Variants in GAS2 observed in about 807,000 individuals in gnomAD.
GAS2 encodes growth arrest-specific protein 2.
In GAS2, 20 loss-of-function variants were observed where a neutral mutation model predicts 37.5. The observed-to-expected ratio is 0.53, with a 90% CI of 0.37 to 0.77. The LOEUF (loss-of-function observed/expected upper bound fraction) is 0.77. Among genes scored for constraint, GAS2 ranks in the 30% least tolerant of loss-of-function variants. The probability of loss-of-function intolerance (pLI) is 0.00; values close to 1 mark genes in which losing one functional copy is unlikely to be tolerated. For missense variants in GAS2, 336 were observed against 373.4 expected (o/e 0.90, Z 0.82); for synonymous variants, 144 against 132.2 (o/e 1.09, Z -0.61).
intron 1 of GAS2, among the ~76,000 whole-genome samples, chr11:22,635,387 G>A (rs1158766985): frequency 6.6e-6 from 1 of 152,212 alleles, no homozygotes; most frequent in Admixed American, 6.5e-5. Context: ...ATGGTGAGCA[G>A]GGGTAGTACA....
chr11:22,754,216 G>A lies in GAS2; in HGVS notation c.616-1630G>A, dbSNP rs140152750. Among the ~76,000 whole-genome samples, 44 of 152,054 alleles carry A rather than the reference G, an allele frequency of 2.9e-4. No homozygotes were observed. The East Asian group carries it at 7.0e-3, about 24-fold the overall frequency. Reference sequence around the variant, plus strand: ...TTCCTCTAATTTCCCCCTGTGACCTGTATAGATTCATGTTCTTATATATCT... The same window carrying A: ...TTCCTCTAATTTCCCCCTGTGACCTATATAGATTCATGTTCTTATATATCT... On this transcript the variant is annotated intron_variant, in intron 6 of 7. Coordinates refer to ENST00000454584, the MANE Select transcript of GAS2 (RefSeq NM_001143830.3).
chr11:22,801,405 A>G (rs1278232748), intron 7 of GAS2, among the ~76,000 whole-genome samples: 1 of 151,724 alleles, frequency 6.6e-6, no homozygotes, highest in East Asian at 1.9e-4. Context: ...TGGATTAAGT[A>G]TCTGGATGAG....
intron 3 of GAS2, among the ~76,000 whole-genome samples, chr11:22,717,175 GA>G (rs1354863201): frequency 6.6e-6 from 1 of 151,934 alleles, no homozygotes; most frequent in East Asian, 1.9e-4. Context: ...GACCAAAAAA[GA>G]GCCTACATAG....
At chr11:22,759,189 G>A (rs574598339) in intron 7 of GAS2, among the ~76,000 whole-genome samples, 8 of 152,200 alleles carry the variant, frequency 5.3e-5, no homozygotes, top group African/African-American at 1.9e-4. Flanking sequence ...AGGAAGACCG[G>A]GAAGATATTT....
chr11:22,668,969 C>T (rs1849096041), intron 1 of GAS2, among the ~76,000 whole-genome samples: 1 of 152,088 alleles, frequency 6.6e-6, no homozygotes, highest in African/African-American at 2.4e-5. Flanking sequence ...ACTGGAGTAA[C>T]AGTAGAAAAT....
chr11:22,765,606 T>G (rs1854644161), intron 7 of GAS2, among the ~76,000 whole-genome samples: 1 of 151,920 alleles, frequency 6.6e-6, no homozygotes. Flanking sequence ...TGTGAAACCC[T>G]GTCTCTACTA....
chr11:22,700,021 A>G (rs555405122), intron 3 of GAS2, among the ~76,000 whole-genome samples: 1 of 152,178 alleles, frequency 6.6e-6, no homozygotes, highest in East Asian at 1.9e-4. Flanking sequence ...ATGCCCTTGC[A>G]GTCTCTACAC....
At chr11:22,695,440 G>A (rs374271514) in intron 3 of GAS2, among the ~76,000 whole-genome samples, 8 of 152,064 alleles carry the variant, frequency 5.3e-5, no homozygotes, top group South Asian at 2.1e-4. Flanking sequence ...GGAGCATACC[G>A]GGTGTAGAGG....
intron 6 of GAS2, among the ~76,000 whole-genome samples, chr11:22,754,678 A>T (rs1451962275): frequency 6.6e-6 from 1 of 152,092 alleles, no homozygotes; most frequent in African/African-American, 2.4e-5. Context: ...TTCTAGGAAA[A>T]ACAAGTTGTT....
chr11:22,803,607 A>G (rs1856759967), intron 7 of GAS2, among the ~76,000 whole-genome samples: 1 of 152,172 alleles, frequency 6.6e-6, no homozygotes, highest in Non-Finnish European at 1.5e-5. Flanking sequence ...AACTTCTCAG[A>G]GCATCAGTAT....
intron 3 of GAS2, among the ~76,000 whole-genome samples, chr11:22,722,757 T>G (rs1010257998): frequency 1.3e-5 from 2 of 151,904 alleles, no homozygotes; most frequent in African/African-American, 4.8e-5. Flanking sequence ...CTCAAGCCGA[T>G]TATGATCTAG....
intron 1 of GAS2, among the ~76,000 whole-genome samples, chr11:22,673,795 T>C (rs1849300895): frequency 6.6e-6 from 1 of 152,122 alleles, no homozygotes; most frequent in African/African-American, 2.4e-5. Context: ...GCCAAATATA[T>C]ATTCAAATAC....
chr11:22,667,711 T>A (rs1407086639), intron 1 of GAS2, among the ~76,000 whole-genome samples: 1 of 152,206 alleles, frequency 6.6e-6, no homozygotes, highest in Non-Finnish European at 1.5e-5. Context: ...GTTTCCATTG[T>A]CTTGAATGAA....
intron 4 of GAS2, among the ~76,000 whole-genome samples, chr11:22,735,209 T>G (rs1313469935): frequency 6.9e-6 from 1 of 144,528 alleles, no homozygotes; most frequent in African/African-American, 2.5e-5. Flanking sequence ...CATTGCTTGC[T>G]GGTCACCAAT....
intron 4 of GAS2, among the ~76,000 whole-genome samples, chr11:22,727,544 C>T (rs952200436): frequency 2.0e-5 from 3 of 151,884 alleles, no homozygotes; most frequent in Admixed American, 6.6e-5. Context: ...CAAAGAAATA[C>T]CATCAAATTT....
intron 3 of GAS2, among the ~76,000 whole-genome samples, chr11:22,703,753 G>A (rs1850962315): frequency 6.6e-6 from 1 of 152,078 alleles, no homozygotes; most frequent in South Asian, 2.1e-4. Flanking sequence ...TGTATCTTAA[G>A]CTCTTAGGGG....
intron 5 of GAS2, among the ~76,000 whole-genome samples, chr11:22,740,964 T>C (rs1203712244): frequency 6.6e-6 from 1 of 152,214 alleles, no homozygotes; most frequent in Non-Finnish European, 1.5e-5. Context: ...GTGAGTTTTG[T>C]GTTTTTCATC....
chr11:22,731,371 G>A (rs977528227), intron 4 of GAS2: 17 of 447,918 alleles, frequency 3.8e-5, no homozygotes, highest in African/African-American at 8.1e-5. Flanking sequence ...ATTTCTCTGA[G>A]AAAGAATCTA....
Position 22,723,742 on chromosome 11 carries a change from A to G in GAS2, c.268-2550A>G, listed in dbSNP as rs370644389. On this transcript the variant is annotated intron_variant, in intron 3 of 7. Transcript: ENST00000454584. ...TAGGTGGTAGATCTTAAAGTGGCTC[A>G]TTGTTTGGATTTAATTTTGTTCTTT... Among the ~76,000 whole-genome samples the G allele has an allele frequency of 2.2e-4, 34 of 151,930 alleles. No individual in the cohort carries two copies. In the South Asian group the frequency reaches 6.8e-3, roughly 31 times the overall value.
Sources: gnomAD v4.1 joint callset for allele counts (sites outside exome capture counted in the v4.1 genomes callset) on GRCh38, gnomAD v4.1.1 for gene constraint, MANE v1.5 for transcripts, NCBI Gene and HGNC (gene_info 2026-07-23, HGNC 2026-07-21) for gene names.